The following CD9 variants were observed in gnomAD, a reference collection of about 807,000 sequenced individuals.
The protein encoded by CD9 is CD9 antigen.
A neutral mutation model predicts 31.4 loss-of-function variants in CD9; 10 were observed. The observed-to-expected ratio is 0.32, with a 90% CI of 0.20 to 0.54. CD9 has a LOEUF of 0.54. CD9 is among the 20% of genes least tolerant of loss of function. The probability of loss-of-function intolerance (pLI) is 0.94; values close to 1 mark genes in which losing one functional copy is unlikely to be tolerated. For missense variants in CD9, 259 were observed against 300.1 expected (o/e 0.86, Z 1.01); for synonymous variants, 113 against 114.1 (o/e 0.99, Z 0.06).
At chr12:6,213,739 AGCGCCT>A (rs941538939) in intron 1 of CD9, among the ~76,000 whole-genome samples, 2 of 152,120 alleles carry the variant, frequency 1.3e-5, no homozygotes, top group African/African-American at 4.8e-5. Flanking sequence ...GAAGGAAGGT[AGCGCCT>A]GAGGGTGCAG....
At chr12:6,228,480 A>T (rs963562706) in intron 2 of CD9, among the ~76,000 whole-genome samples, 2 of 139,714 alleles carry the variant, frequency 1.4e-5, no homozygotes, top group Non-Finnish European at 3.1e-5. Context: ...TGAACCTGGG[A>T]GGCAGAGGTT....
intron 1 of CD9, among the ~76,000 whole-genome samples, chr12:6,216,403 C>T (rs1386707655): frequency 3.9e-5 from 6 of 152,116 alleles, no homozygotes; most frequent in Admixed American, 1.3e-4. Context: ...TAGTAGATGA[C>T]AAAAACAAAA....
At chr12:6,208,518 TATTA>T (rs1325932108) in intron 1 of CD9, among the ~76,000 whole-genome samples, 1 of 152,212 alleles carries the variant, frequency 6.6e-6, no homozygotes, top group Non-Finnish European at 1.5e-5. Flanking sequence ...ATTATGAATT[TATTA>T]ATTCAAAACC....
intron 1 of CD9, among the ~76,000 whole-genome samples, chr12:6,222,775 A>T (rs1183002565): frequency 6.6e-6 from 1 of 152,228 alleles, no homozygotes; most frequent in Non-Finnish European, 1.5e-5. Context: ...CCCTGTCATT[A>T]TCTGAGCGTG....
At chr12:6,235,385 A>G (rs1591981968) in intron 5 of CD9, 58 bp downstream of exon 5, 2 of 1,614,100 alleles carry the variant, frequency 1.2e-6, no homozygotes, top group Non-Finnish European at 1.7e-6. Context: ...GTCTGCACAC[A>G]GGGTGCTGAC....
rs540765878 is a variant in CD9, at chr12:6,213,408, C to T, written c.67-12018C>T. Among the ~76,000 whole-genome samples the T allele has an allele frequency of 2.0e-5, 3 of 152,232 alleles. No homozygotes were observed. In the East Asian group the frequency reaches 5.8e-4, roughly 29 times the overall value. On this transcript the variant is annotated intron_variant, in intron 1 of 7. Coordinates refer to ENST00000009180, the MANE Select transcript of CD9 (RefSeq NM_001769.4). ...TGAGACTTCCCCAGTTTGGGGAAGA[C>T]GGATAAAGAAGGGAATCAGTTTTGC...
At chr12:6,234,094 G>T (rs893991243) in intron 4 of CD9, among the ~76,000 whole-genome samples, 2 of 151,636 alleles carry the variant, frequency 1.3e-5, no homozygotes, top group Non-Finnish European at 2.9e-5. Context: ...AGAGAAGGGA[G>T]CCGTGACCTA....
chr12:6,235,156 A>G lies in CD9; in HGVS notation c.349-73A>G. On this transcript the variant is annotated intron_variant, in intron 4 of 7. Transcript: ENST00000009180. ...TGAGAGCTTAGAGAGAACAAGATGG[A>G]ACGCATAACATTTGTTCGTGGAGGA... 3 of 1,080,090 alleles carry G rather than the reference A, an allele frequency of 2.8e-6. No homozygotes were observed. In the South Asian group the frequency reaches 4.2e-5, roughly 15 times the overall value. The allele number at this position is 1,080,090 out of a possible 1,614,324, so 66.9% of individuals were successfully genotyped here.
intron 1 of CD9, among the ~76,000 whole-genome samples, chr12:6,224,010 C>T (rs1055901378): frequency 1.3e-5 from 2 of 152,146 alleles, no homozygotes; most frequent in East Asian, 1.9e-4. Flanking sequence ...GGGCATGTGG[C>T]GTCGTACAGT....
In CD9 at chr12:6,238,120, A is replaced by G. The variant is rs1946543905; in HGVS notation, c.*292A>G. 3 of 305,858 alleles carry G rather than the reference A, an allele frequency of 9.8e-6. No homozygotes were observed. Among genetic ancestry groups the G allele is most frequent in the Non-Finnish European group, 6.3e-6 (1 of 159,372 alleles). The allele number at this position is 305,858 out of a possible 1,614,324, so 18.9% of individuals were successfully genotyped here. ...CAGAAATCCTGCAATGAAAGGTACT[A>G]TATTTGCTAGACTCTAGACAAGATA... On this transcript the variant is annotated 3_prime_UTR_variant, in exon 8 of 8. Transcript: ENST00000009180.
intron 4 of CD9, 59 bp downstream of exon 4, chr12:6,233,545 G>A (rs1946478519): frequency 1.5e-6 from 2 of 1,311,026 alleles, no homozygotes; most frequent in Admixed American, 1.7e-5. Flanking sequence ...GGACAGTGAA[G>A]CAGGGGGCAA....
Position 6,232,067 on chromosome 12 carries a change from G to A in CD9, c.176-565G>A, listed in dbSNP as rs778612189. On this transcript the variant is annotated intron_variant, in intron 2 of 7. Coordinates refer to ENST00000009180, the MANE Select transcript of CD9 (RefSeq NM_001769.4). The surrounding 1 kb of genome is among the most constrained non-coding windows in gnomAD (Gnocchi z 4.8). Reference sequence around the variant, plus strand: ...CCTTTGGGTGTTCCTAACTGTATGTGCCTAACCACCACCCAGCAACAGGGC... The same window carrying A: ...CCTTTGGGTGTTCCTAACTGTATGTACCTAACCACCACCCAGCAACAGGGC... 20 of 169,114 alleles carry A rather than the reference G, an allele frequency of 1.2e-4. No homozygotes were observed. Among genetic ancestry groups the A allele is most frequent in the Non-Finnish European group, 2.5e-4 (19 of 76,944 alleles). 10.5% of individuals were successfully genotyped at this position (169,114 alleles called of 1,614,324 possible).
In CD9 at chr12:6,220,495, A is replaced by G. The variant is rs1475914411; in HGVS notation, c.67-4931A>G. Among the ~76,000 whole-genome samples, 4 of 152,132 alleles carry G rather than the reference A, an allele frequency of 2.6e-5. No individual in the cohort carries two copies. In the East Asian group the frequency reaches 7.7e-4, roughly 29 times the overall value. On this transcript the variant is annotated intron_variant, in intron 1 of 7. Transcript: ENST00000009180. ...GCTCAGGGGTGAAAGGAAAGCAGAG[A>G]GCACCCTGAAGGAGCTGCGAGGTTG...
Position 6,215,235 on chromosome 12 carries a change from A to G in CD9, c.67-10191A>G, listed in dbSNP as rs574723375. On this transcript the variant is annotated intron_variant, in intron 1 of 7. Coordinates refer to ENST00000009180, the MANE Select transcript of CD9 (RefSeq NM_001769.4). Reference sequence around the variant, plus strand: ...CACCTCCAGCTCAGAGGAAGCTCACACCTCCCATCCATGCCTTCAGGCTTT... The same window carrying G: ...CACCTCCAGCTCAGAGGAAGCTCACGCCTCCCATCCATGCCTTCAGGCTTT... Among the ~76,000 whole-genome samples, 21 of 152,192 alleles carry G rather than the reference A, an allele frequency of 1.4e-4. 1 individual carries two copies. The highest frequency in any genetic ancestry group is 4.4e-5 in the Non-Finnish European group (3 of 67,996).
At chr12:6,222,596 A>G (rs994633630) in intron 1 of CD9, among the ~76,000 whole-genome samples, 12 of 152,194 alleles carry the variant, frequency 7.9e-5, no homozygotes, top group Non-Finnish European at 1.6e-4. Context: ...GAGACCTGAG[A>G]TGCTTCCTTT....
At chr12:6,231,322 G>A (rs1327877214) in intron 2 of CD9, among the ~76,000 whole-genome samples, 1 of 152,210 alleles carries the variant, frequency 6.6e-6, no homozygotes, top group Non-Finnish European at 1.5e-5. Context: ...CTGGAAGTGG[G>A]CATTATTGCT....
intron 1 of CD9, among the ~76,000 whole-genome samples, chr12:6,203,183 G>A (rs1025381576): frequency 1.3e-5 from 2 of 152,128 alleles, no homozygotes; most frequent in Admixed American, 1.3e-4. Flanking sequence ...GAGAGGTTAG[G>A]TGACTTATCC....
chr12:6,204,820 G>A (rs1946113063), intron 1 of CD9, among the ~76,000 whole-genome samples: 2 of 152,214 alleles, frequency 1.3e-5, no homozygotes, highest in South Asian at 4.1e-4. Flanking sequence ...AAGTGTGGAA[G>A]TCTAAACCGC....
chr12:6,215,527 G>A (rs561519997), intron 1 of CD9, among the ~76,000 whole-genome samples: 248 of 152,296 alleles, frequency 1.6e-3, no homozygotes, highest in Non-Finnish European at 3.3e-3. Context: ...GGGTCATTTC[G>A]AGAGCTGCTG....
Sources: allele counts gnomAD v4.1 joint callset (sites outside exome capture counted in the v4.1 genomes callset), GRCh38; gene constraint gnomAD v4.1.1; non-coding constraint Gnocchi (gnomAD v3.1); transcripts MANE v1.5; gene names NCBI Gene and HGNC (gene_info 2026-07-23, HGNC 2026-07-21).